Variants in IDH3A observed in about 807,000 individuals in gnomAD.
IDH3A encodes the protein isocitrate dehydrogenase [NAD] subunit alpha, mitochondrial.
IDH3A carries 23 observed loss-of-function variants against 43.3 expected under a neutral mutation model. The ratio of observed to expected loss-of-function variants is 0.53; its 90% CI spans 0.38 to 0.75. The LOEUF is 0.75. Among genes scored for constraint, IDH3A ranks in the 30% least tolerant of loss-of-function variants. The probability of loss-of-function intolerance (pLI) is 0.00; values close to 1 mark genes in which losing one functional copy is unlikely to be tolerated. For missense variants in IDH3A, 329 were observed against 474.4 expected (o/e 0.69, Z 2.85); for synonymous variants, 154 against 163.5 (o/e 0.94, Z 0.44).
intron 9 of IDH3A, 150 bp downstream of exon 9, chr15:78,165,226 C>G (rs890636633): frequency 8.2e-6 from 5 of 607,880 alleles, no homozygotes; most frequent in Middle Eastern, 2.9e-4. Flanking sequence ...GAGTCTCGCT[C>G]TGTCACCCAC....
chr15:78,164,757 T>G (rs573374754), intron 8 of IDH3A, among the ~76,000 whole-genome samples: 1 of 152,360 alleles, frequency 6.6e-6, no homozygotes, highest in East Asian at 1.9e-4. Flanking sequence ...CTTCACCATG[T>G]CTTCTGTGTC....
chr15:78,160,031 T>C (rs1595868360), intron 3 of IDH3A, 61 bp from the exon 4 acceptor site: 1 of 1,001,376 alleles, frequency 1.0e-6, no homozygotes, highest in East Asian at 2.4e-5. Flanking sequence ...ATCATTGCAG[T>C]ATGAATGCCA....
chr15:78,163,137 C>G (rs1257737753), intron 6 of IDH3A, among the ~76,000 whole-genome samples: 1 of 152,124 alleles, frequency 6.6e-6, no homozygotes, highest in African/African-American at 2.4e-5. Flanking sequence ...TAACAGTTTT[C>G]CTAACCTAAG....
At position 78,169,700 on chromosome 15, in the gene IDH3A, T is replaced by G. The variant is rs536552087; in HGVS notation, c.*695T>G. ...TGTATTGTGTGTTCAATTATTTTGT[T>G]GTCTTGAGATTTAATATTCTTTCCA... On this transcript the variant is annotated 3_prime_UTR_variant, in exon 11 of 11. Transcript: ENST00000299518. The G allele has an allele frequency of 6.6e-6, 1 of 152,356 alleles. No homozygotes were observed. Among genetic ancestry groups the G allele is most frequent in the South Asian group, 2.1e-4 (1 of 4,828 alleles). 9.4% of individuals were successfully genotyped at this position (152,356 alleles called of 1,614,324 possible). A position where few individuals can be genotyped will look rare whatever the true frequency, so the allele number is the denominator to read the frequency against.
intron 10 of IDH3A, among the ~76,000 whole-genome samples, chr15:78,166,978 G>T (rs185033921): frequency 1.1e-3 from 173 of 152,272 alleles, no homozygotes; most frequent in Non-Finnish European, 1.9e-3. Flanking sequence ...CACAACAAAC[G>T]TCTGTTGAGT....
At position 78,171,333 on chromosome 15, in the gene IDH3A, C is replaced by G. The variant is rs1266306543; in HGVS notation, c.*2328C>G. 24 of 820,748 alleles carry G rather than the reference C, an allele frequency of 2.9e-5. No homozygotes were observed. The highest frequency in any genetic ancestry group is 3.7e-5 in the Non-Finnish European group (19 of 513,732). 50.8% of individuals were successfully genotyped at this position (820,748 alleles called of 1,614,324 possible). A position where few individuals can be genotyped will look rare whatever the true frequency, so the allele number is the denominator to read the frequency against. ...CAGTGCTGTGCCCTGACCTGGAGAT[C>G]TAACAGACTTGGCAGAAATGCCTGT... On this transcript the variant is annotated 3_prime_UTR_variant, in exon 11 of 11. Coordinates refer to ENST00000299518, the MANE Select transcript of IDH3A (RefSeq NM_005530.3).
intron 5 of IDH3A, 27 bp from the exon 6 acceptor site, chr15:78,162,207 A>G: frequency 6.2e-7 from 1 of 1,613,548 alleles, no homozygotes; most frequent in Non-Finnish European, 8.5e-7. Flanking sequence ...CACTCTTTCC[A>G]GCAAGGTGGG....
At position 78,170,638 on chromosome 15, in the gene IDH3A, G is replaced by A. The variant is rs184613469; in HGVS notation, c.*1633G>A. ...ATGGCTGCTTCCCGTATTCAGAATG[G>A]AAGTGGGGTGGTCTGGTGGCGACAG... On this transcript the variant is annotated 3_prime_UTR_variant, in exon 11 of 11. Transcript: ENST00000299518. 4 of 152,372 alleles carry A rather than the reference G, an allele frequency of 2.6e-5. No individual in the cohort carries two copies. Among genetic ancestry groups the A allele is most frequent in the Admixed American group, 6.5e-5 (1 of 15,280 alleles). The allele number at this position is 152,372 out of a possible 1,614,324, so 9.4% of individuals were successfully genotyped here.
At chr15:78,164,942 G>A (rs2074722673) in intron 8 of IDH3A, 50 bp from the exon 9 acceptor site, 2 of 1,392,224 alleles carry the variant, frequency 1.4e-6, no homozygotes. Flanking sequence ...GGTGCTAGGT[G>A]AGATGTTTTA....
intron 2 of IDH3A, among the ~76,000 whole-genome samples, chr15:78,156,403 T>G (rs1311518722): frequency 6.6e-6 from 1 of 152,164 alleles, no homozygotes; most frequent in East Asian, 1.9e-4. Flanking sequence ...AGGCCAGGAG[T>G]TCGAGGCTGC....
At chr15:78,168,615 CAACT>C (rs1335591418) in intron 10 of IDH3A, 1 of 222,514 alleles carries the variant, frequency 4.5e-6, no homozygotes, top group Non-Finnish European at 8.7e-6. Context: ...TATCCATGAC[CAACT>C]AATCTGGGTT....
intron 10 of IDH3A, 137 bp downstream of exon 10, chr15:78,166,439 T>A: frequency 1.2e-6 from 1 of 860,902 alleles, no homozygotes; most frequent in Non-Finnish European, 1.9e-6. Context: ...ATTCTTAACG[T>A]GGGTCCCAGA....
In IDH3A at chr15:78,158,472, T is replaced by A. The variant is rs1299249653; in HGVS notation, c.174+841T>A. Among the ~76,000 whole-genome samples the A allele has an allele frequency of 1.4e-3, 152 of 109,188 alleles. 2 individuals are homozygous for A. Among genetic ancestry groups the A allele is most frequent in the African/African-American group, 4.7e-3 (134 of 28,592 alleles). 71.6% of individuals were successfully genotyped at this position (109,188 alleles called of 152,430 possible). A position where few individuals can be genotyped will look rare whatever the true frequency, so the allele number is the denominator to read the frequency against. ...ACATATATATATATATATTTTTTTT[T>A]TTTTTTTTTTTTTTTTTTTTTGAGA... On this transcript the variant is annotated intron_variant, in intron 3 of 10. Coordinates refer to ENST00000299518, the MANE Select transcript of IDH3A (RefSeq NM_005530.3).
At chr15:78,156,244 CTATT>C (rs1270914826) in intron 2 of IDH3A, among the ~76,000 whole-genome samples, 2 of 151,884 alleles carry the variant, frequency 1.3e-5, no homozygotes, top group East Asian at 3.9e-4. Flanking sequence ...AATTTTCAGG[CTATT>C]TATTTGAAAA....
At position 78,171,735 on chromosome 15, in the gene IDH3A, T is replaced by C; in HGVS notation, c.*2730T>C. 2.0e-6 allele frequency: 1 copy of C among 501,052 alleles called. No individual in the cohort carries two copies. The highest frequency in any genetic ancestry group is 3.4e-5 in the East Asian group (1 of 29,684). 31.0% of individuals were successfully genotyped at this position (501,052 alleles called of 1,614,324 possible). A position where few individuals can be genotyped will look rare whatever the true frequency, so the allele number is the denominator to read the frequency against. ...GTCTCCTGTGTTATACCACTGGTTG[T>C]GGCCAGTGGAGTATAGATGAAGGGT... On this transcript the variant is annotated 3_prime_UTR_variant, in exon 11 of 11. Coordinates refer to ENST00000299518, the MANE Select transcript of IDH3A (RefSeq NM_005530.3).
chr15:78,154,192 A>G (rs1041149600), intron 1 of IDH3A, among the ~76,000 whole-genome samples: 5 of 150,200 alleles, frequency 3.3e-5, no homozygotes, highest in East Asian at 1.9e-4. Context: ...GAGAGAGAAA[A>G]AAAAAAAAAA....
intron 1 of IDH3A, among the ~76,000 whole-genome samples, chr15:78,149,800 G>A (rs933335357): frequency 6.6e-6 from 1 of 152,242 alleles, no homozygotes; most frequent in Non-Finnish European, 1.5e-5. Flanking sequence ...TCCGCCATCC[G>A]GGCCGCTTCC....
chr15:78,155,169 G>A, intron 1 of IDH3A, 44 bp from the exon 2 acceptor site: 1 of 1,412,498 alleles, frequency 7.1e-7, no homozygotes, highest in Non-Finnish European at 1.0e-6. Context: ...TACTGTATGT[G>A]GTTTAATTCT....
intron 4 of IDH3A, among the ~76,000 whole-genome samples, chr15:78,160,824 T>C (rs2074674485): frequency 6.6e-6 from 1 of 151,864 alleles, no homozygotes; most frequent in Non-Finnish European, 1.5e-5. Flanking sequence ...TTTTAATTAA[T>C]ACATGTTTAA....
Sources: gnomAD v4.1 joint callset for allele counts (sites outside exome capture counted in the v4.1 genomes callset) on GRCh38, gnomAD v4.1.1 for gene constraint, MANE v1.5 for transcripts, NCBI Gene and HGNC (gene_info 2026-07-23, HGNC 2026-07-21) for gene names.